USP3: variants seen among roughly 807,000 people sequenced by gnomAD.
USP3 encodes the protein ubiquitin specific peptidase 3.
A neutral mutation model predicts 72.3 loss-of-function variants in USP3; 20 were observed. The observed-to-expected ratio is 0.28, with a 90% CI of 0.19 to 0.40. The LOEUF (loss-of-function observed/expected upper bound fraction) is 0.40. Among genes scored for constraint, USP3 ranks in the 10% least tolerant of loss-of-function variants. The pLI is 1.00. For synonymous variants in USP3, 222 were observed against 225.3 expected (o/e 0.99, Z 0.13); for missense variants, 479 against 633.9 (o/e 0.76, Z 2.62).
chr15:63,512,408 C>G (rs1447798651), intron 1 of USP3, among the ~76,000 whole-genome samples: 7 of 142,158 alleles, frequency 4.9e-5, no homozygotes, highest in Admixed American at 4.2e-4. Context: ...CCTTCTTCTT[C>G]TTTCTTCTTT....
At chr15:63,549,734 T>C (rs1311826173) in intron 3 of USP3, among the ~76,000 whole-genome samples, 1 of 152,252 alleles carries the variant, frequency 6.6e-6, no homozygotes, top group East Asian at 1.9e-4. Flanking sequence ...CTAATTGATA[T>C]GCATTGTGAT....
intron 14 of USP3, among the ~76,000 whole-genome samples, chr15:63,590,094 G>A (rs751194314): frequency 2.0e-4 from 30 of 152,110 alleles, no homozygotes; most frequent in Non-Finnish European, 3.8e-4. Flanking sequence ...TTTTGTAGGC[G>A]TGCAAAAGGC....
intron 8 of USP3, among the ~76,000 whole-genome samples, chr15:63,566,507 A>G (rs6494414): frequency 0.8 from 120,847 of 151,792 alleles, 49,888 homozygotes; most frequent in African/African-American, 0.85. Context: ...TAGAGACGGG[A>G]TTTCACTATG....
chr15:63,570,340 G>A lies in USP3; in HGVS notation c.762-93G>A, dbSNP rs1456033463. ...TGGCTGTGCTTGTGAGCACGGGGCT[G>A]CCGTCCTTTTCCACGCCTTGGCCTC... On this transcript the variant is annotated intron_variant, in intron 8 of 14. Transcript: ENST00000380324. The surrounding 1 kb of genome is among the most constrained non-coding windows in gnomAD (Gnocchi z 4.4). 6 of 1,548,816 alleles carry A rather than the reference G, an allele frequency of 3.9e-6. No homozygotes were observed. The African/African-American group carries it at 8.2e-5, about 21-fold the overall frequency.
chr15:63,541,277 C>T lies in USP3; in HGVS notation c.284+4121C>T, dbSNP rs573167453. 5.3e-5 allele frequency among the ~76,000 whole-genome samples: 8 copies of T among 152,180 alleles called. No individual in the cohort carries two copies. The East Asian group carries it at 1.5e-3, about 29-fold the overall frequency. On this transcript the variant is annotated intron_variant, in intron 3 of 14. Coordinates refer to ENST00000380324, the MANE Select transcript of USP3 (RefSeq NM_006537.4). ...AGAGGCTTGAATTTCAGATTTTAAA[C>T]ACTTGTAATAAATGGCAATTTTAAT...
At chr15:63,526,759 A>G (rs1555443333) in intron 1 of USP3, among the ~76,000 whole-genome samples, 1 of 152,208 alleles carries the variant, frequency 6.6e-6, no homozygotes, top group Non-Finnish European at 1.5e-5. Flanking sequence ...TGGTTTAGAA[A>G]ATTATACTAC....
At chr15:63,557,752 TTTCTC>T (rs1483082225) in intron 5 of USP3, among the ~76,000 whole-genome samples, 2 of 152,244 alleles carry the variant, frequency 1.3e-5, no homozygotes, top group Non-Finnish European at 2.9e-5. Context: ...ATTTTTTCCA[TTTCTC>T]TTAGTTTTTA....
chr15:63,547,885 A>G (rs62011340), intron 3 of USP3, among the ~76,000 whole-genome samples: 1 of 75,646 alleles, frequency 1.3e-5, no homozygotes, highest in African/African-American at 5.9e-5. Flanking sequence ...AGAGAGAGAG[A>G]GAGAGAGAGA....
rs775456799 is a variant in USP3 at position 63,570,246 on chromosome 15, C to T, written c.762-187C>T. On this transcript the variant is annotated intron_variant, in intron 8 of 14. Coordinates refer to ENST00000380324, the MANE Select transcript of USP3 (RefSeq NM_006537.4). The surrounding 1 kb of genome is among the most constrained non-coding windows in gnomAD (Gnocchi z 4.4). ...TTTTGGTTTTCAAACCTATCTTAAA[C>T]AGTAGAATTCATTCTTGAAGAGAAA... Among the ~76,000 whole-genome samples the T allele has an allele frequency of 6.6e-6, 1 of 152,230 alleles. No individual in the cohort carries two copies. Among genetic ancestry groups the T allele is most frequent in the Non-Finnish European group, 1.5e-5 (1 of 68,050 alleles).
rs2067242442 is a variant in USP3 at position 63,593,587 on chromosome 15, G to T, written c.*2761G>T. 6.6e-6 allele frequency: 1 copy of T among 152,230 alleles called. No homozygotes were observed. Among genetic ancestry groups the T allele is most frequent in the Admixed American group, 6.5e-5 (1 of 15,286 alleles). The allele number at this position is 152,230 out of a possible 1,614,324, so 9.4% of individuals were successfully genotyped here. On this transcript the variant is annotated 3_prime_UTR_variant, in exon 15 of 15. Coordinates refer to ENST00000380324, the MANE Select transcript of USP3 (RefSeq NM_006537.4). Reference sequence around the variant, plus strand: ...TAAGAGATGAACACGTCTTCTCTCTGAATTTGTTTTTATTGGTTGGTTTTA... The same window carrying T: ...TAAGAGATGAACACGTCTTCTCTCTTAATTTGTTTTTATTGGTTGGTTTTA...
At chr15:63,510,338 C>A (rs1413408921) in intron 1 of USP3, among the ~76,000 whole-genome samples, 2 of 151,496 alleles carry the variant, frequency 1.3e-5, no homozygotes, top group Non-Finnish European at 3.0e-5. Flanking sequence ...CGTTTTTTTT[C>A]TTTTTGAGCT....
At position 63,593,139 on chromosome 15, in the gene USP3, G is replaced by A. The variant is rs556239232; in HGVS notation, c.*2313G>A. On this transcript the variant is annotated 3_prime_UTR_variant, in exon 15 of 15. Transcript: ENST00000380324. ...TCATGTTTAGGTCTTACAACTTTGA[G>A]TCCTAAAAGATAATAGGGAGATGTG... 2.0e-5 allele frequency: 3 copies of A among 152,306 alleles called. No homozygotes were observed. The highest frequency in any genetic ancestry group is 2.9e-5 in the Non-Finnish European group (2 of 68,026). The allele number at this position is 152,306 out of a possible 1,614,324, so 9.4% of individuals were successfully genotyped here.
Position 63,570,311 on chromosome 15 carries a change from A to G in USP3, c.762-122A>G, listed in dbSNP as rs2066758285. On this transcript the variant is annotated intron_variant, in intron 8 of 14. Transcript: ENST00000380324. This position sits in a 1 kb window ranked among gnomAD's most constrained non-coding sequence, Gnocchi z 4.4. ...GAGCTTTCGGGCATGAAGGTGAGGA[A>G]GCCTGGCTGTGCTTGTGAGCACGGG... 1 of 1,254,564 alleles carries G rather than the reference A, an allele frequency of 8.0e-7. No individual in the cohort carries two copies. The highest frequency in any genetic ancestry group is 2.5e-5 in the East Asian group (1 of 40,640). The allele number at this position is 1,254,564 out of a possible 1,614,324, so 77.7% of individuals were successfully genotyped here.
rs562276967 is a variant in USP3, at chr15:63,553,339, G to T, written c.285-376G>T. 6.5e-6 allele frequency: 1 copy of T among 154,986 alleles called. No homozygotes were observed. The highest frequency in any genetic ancestry group is 2.4e-5 in the African/African-American group (1 of 41,658). 9.6% of individuals were successfully genotyped at this position (154,986 alleles called of 1,614,324 possible). On this transcript the variant is annotated intron_variant, in intron 3 of 14. Coordinates refer to ENST00000380324, the MANE Select transcript of USP3 (RefSeq NM_006537.4). This position sits in a 1 kb window ranked among gnomAD's most constrained non-coding sequence, Gnocchi z 4.2. ...CCCAATTCCCCATTAATTTGGGTTG[G>T]GAAGTGTCAACTTAAAGCTTTAGGC...
At chr15:63,543,429 C>T (rs1188272566) in intron 3 of USP3, among the ~76,000 whole-genome samples, 2 of 152,094 alleles carry the variant, frequency 1.3e-5, no homozygotes, top group Admixed American at 6.6e-5. Context: ...GTTTAGAACA[C>T]TGTACCTTTT....
intron 1 of USP3, among the ~76,000 whole-genome samples, chr15:63,520,993 C>T (rs1384057391): frequency 1.3e-5 from 2 of 152,144 alleles, no homozygotes; most frequent in East Asian, 1.9e-4. Context: ...TACCTAATGC[C>T]GGCCGCTCAC....
chr15:63,521,822 A>C (rs1475162519), intron 1 of USP3, among the ~76,000 whole-genome samples: 1 of 152,210 alleles, frequency 6.6e-6, no homozygotes, highest in African/African-American at 2.4e-5. Flanking sequence ...TATACATGGG[A>C]TAGAAATAAG....
Position 63,592,755 on chromosome 15 carries a change from T to C in USP3, c.*1929T>C, listed in dbSNP as rs1161118933. 7.1e-6 allele frequency: 1 copy of C among 140,860 alleles called. No homozygotes were observed. The highest frequency in any genetic ancestry group is 1.6e-5 in the Non-Finnish European group (1 of 61,438). 8.7% of individuals were successfully genotyped at this position (140,860 alleles called of 1,614,324 possible). A position where few individuals can be genotyped will look rare whatever the true frequency, so the allele number is the denominator to read the frequency against. ...CCAGCCTGTTCTATTAAAAACATCT[T>C]GACCTTTTTTTTTTTTTAAGTTTAT... On this transcript the variant is annotated 3_prime_UTR_variant, in exon 15 of 15. Coordinates refer to ENST00000380324, the MANE Select transcript of USP3 (RefSeq NM_006537.4).
At chr15:63,557,020 C>G (rs1008257730) in intron 5 of USP3, 14 of 225,754 alleles carry the variant, frequency 6.2e-5, no homozygotes, top group African/African-American at 3.0e-4. Context: ...CACACTCCTT[C>G]GTCATCAGAA....
Sources: gnomAD v4.1 joint callset for allele counts (sites outside exome capture counted in the v4.1 genomes callset) on GRCh38, gnomAD v4.1.1 for gene constraint, Gnocchi (gnomAD v3.1) non-coding constraint, MANE v1.5 for transcripts, NCBI Gene and HGNC (gene_info 2026-07-23, HGNC 2026-07-21) for gene names.